Variants in MAPK10 observed in about 807,000 individuals in gnomAD.
The protein encoded by MAPK10 is mitogen-activated protein kinase 10.
A neutral mutation model predicts 59.3 loss-of-function variants in MAPK10; 25 were observed. The ratio of observed to expected loss-of-function variants is 0.42; its 90% CI spans 0.31 to 0.59. MAPK10 has a LOEUF of 0.59. Among genes scored for constraint, MAPK10 ranks in the 20% least tolerant of loss-of-function variants. The probability of loss-of-function intolerance (pLI) is 0.15; values close to 1 mark genes in which losing one functional copy is unlikely to be tolerated. For synonymous variants in MAPK10, 190 were observed against 200.5 expected, an observed-to-expected ratio of 0.95 and a Z score of 0.44; for missense variants, 351 against 568.9, an observed-to-expected ratio of 0.62 and a Z score of 3.90.
chr4:86,347,665 T>C (rs1728964260), intron 2 of MAPK10, among the ~76,000 whole-genome samples: 1 of 152,124 alleles, frequency 6.6e-6, no homozygotes, highest in Admixed American at 6.6e-5. Context: ...TACAAATAGA[T>C]CCGGTGTCTG....
intron 2 of MAPK10, among the ~76,000 whole-genome samples, chr4:86,218,795 G>A (rs2088612143): frequency 6.6e-6 from 1 of 152,172 alleles, no homozygotes; most frequent in Admixed American, 6.5e-5. Flanking sequence ...ACGATATAAT[G>A]AGCAGAATAA....
At chr4:86,346,939 TA>T (rs2148952510) in intron 2 of MAPK10, among the ~76,000 whole-genome samples, 1 of 152,258 alleles carries the variant, frequency 6.6e-6, no homozygotes, top group East Asian at 1.9e-4. Flanking sequence ...AGAGTATCTT[TA>T]TTAAGATTTA....
At chr4:86,036,899 A>G (rs986709396) in intron 11 of MAPK10, among the ~76,000 whole-genome samples, 1 of 152,232 alleles carries the variant, frequency 6.6e-6, no homozygotes, top group African/African-American at 2.4e-5. Flanking sequence ...GGCATGTTAG[A>G]GATCTAAGGT....
At chr4:86,065,903 C>A (rs1414841739) in intron 10 of MAPK10, among the ~76,000 whole-genome samples, 1 of 152,038 alleles carries the variant, frequency 6.6e-6, no homozygotes, top group Admixed American at 6.6e-5. Context: ...CAGATTAAAA[C>A]AACTTGGCTA....
chr4:86,044,124 G>A (rs1361976403), intron 11 of MAPK10, among the ~76,000 whole-genome samples: 1 of 152,150 alleles, frequency 6.6e-6, no homozygotes, highest in Non-Finnish European at 1.5e-5. Context: ...CTGTTAATCA[G>A]GATTCTAGAT....
chr4:86,142,058 C>G (rs979251590), intron 4 of MAPK10, among the ~76,000 whole-genome samples: 3 of 152,162 alleles, frequency 2.0e-5, no homozygotes, highest in African/African-American at 7.2e-5. Flanking sequence ...TCCAATCTCT[C>G]AAGAGCAAAA....
At chr4:86,174,637 C>T (rs1051276782) in intron 3 of MAPK10, among the ~76,000 whole-genome samples, 3 of 152,070 alleles carry the variant, frequency 2.0e-5, no homozygotes, top group Non-Finnish European at 4.4e-5. Context: ...AGGTGATGTG[C>T]CTCCTCAACA....
intron 2 of MAPK10, among the ~76,000 whole-genome samples, chr4:86,235,277 G>C (rs1408450517): frequency 3.9e-5 from 6 of 152,166 alleles, no homozygotes; most frequent in Non-Finnish European, 7.3e-5. Flanking sequence ...GGGAGATTCA[G>C]TTTTTAGTCA....
chr4:86,550,411 A>AAAAAAAAAC (rs1467490853), intron 1 of MAPK10, among the ~76,000 whole-genome samples: 1 of 136,132 alleles, frequency 7.3e-6, no homozygotes, highest in African/African-American at 2.6e-5. Flanking sequence ...AAAAAAAAAA[A>AAAAAAAAAC]CTCCAGGCCA....
intron 1 of MAPK10, among the ~76,000 whole-genome samples, chr4:86,465,619 C>T (rs1399491418): frequency 2.0e-5 from 3 of 152,198 alleles, no homozygotes; most frequent in South Asian, 2.1e-4. Flanking sequence ...TGGAGAGATC[C>T]GATAACAAAA....
chr4:86,069,995 C>A (rs1368221974), intron 9 of MAPK10, among the ~76,000 whole-genome samples: 1 of 152,098 alleles, frequency 6.6e-6, no homozygotes, highest in Non-Finnish European at 1.5e-5. Context: ...TAAAATGTTT[C>A]TTGTAATAAA....
intron 1 of MAPK10, among the ~76,000 whole-genome samples, chr4:86,555,600 G>A (rs1380662348): frequency 6.6e-6 from 1 of 152,116 alleles, no homozygotes; most frequent in Non-Finnish European, 1.5e-5. Context: ...ATAAATTCTT[G>A]AGCAACCAAA....
intron 9 of MAPK10, chr4:86,089,459 G>T: frequency 2.0e-6 from 1 of 511,814 alleles, no homozygotes; most frequent in East Asian, 3.0e-5. Context: ...GGCTCTCAAG[G>T]CCCTTTTCTG....
At chr4:86,165,683 G>A (rs1440038519) in intron 3 of MAPK10, among the ~76,000 whole-genome samples, 1 of 149,200 alleles carries the variant, frequency 6.7e-6, no homozygotes, top group East Asian at 2.0e-4. Flanking sequence ...TTACAGGCGT[G>A]AGCCACAGCA....
At chr4:86,416,815 A>C (rs887514208) in intron 1 of MAPK10, among the ~76,000 whole-genome samples, 2 of 152,226 alleles carry the variant, frequency 1.3e-5, no homozygotes, top group African/African-American at 4.8e-5. Flanking sequence ...TACTGCTAGA[A>C]ATATCCAGCC....
chr4:86,078,574 T>C (rs2049980447), intron 9 of MAPK10, among the ~76,000 whole-genome samples: 1 of 147,818 alleles, frequency 6.8e-6, no homozygotes, highest in Non-Finnish European at 1.5e-5. Context: ...TAAAAACAAG[T>C]ATAAGGAAAT....
intron 1 of MAPK10, among the ~76,000 whole-genome samples, chr4:86,479,795 T>C (rs147044145): frequency 6.6e-6 from 1 of 152,164 alleles, no homozygotes; most frequent in African/African-American, 2.4e-5. Flanking sequence ...ATTTTTTCAA[T>C]TCCCACAAAA....
chr4:86,103,029 G>GACCAC (rs757086623), intron 6 of MAPK10, 157 bp downstream of exon 6: 3 of 553,804 alleles, frequency 5.4e-6, no homozygotes, highest in Non-Finnish European at 9.6e-6. Context: ...CCTTTCATTT[G>GACCAC]ACCCCACCTC....
chr4:86,057,273 G>A (rs910361189), intron 11 of MAPK10, among the ~76,000 whole-genome samples: 1 of 150,006 alleles, frequency 6.7e-6, no homozygotes, highest in Non-Finnish European at 1.5e-5. Context: ...TCAAATAATA[G>A]TTTAAAAATC....
Sources: allele counts gnomAD v4.1 joint callset (sites outside exome capture counted in the v4.1 genomes callset), GRCh38; gene constraint gnomAD v4.1.1; transcripts MANE v1.5; gene names NCBI Gene and HGNC (gene_info 2026-07-23, HGNC 2026-07-21).